The following USH2A variants were observed in gnomAD, a reference collection of about 807,000 sequenced individuals.
USH2A encodes the protein Usher syndrome 2A (autosomal recessive, mild).
USH2A carries 443 observed loss-of-function variants against 538.9 expected under a neutral mutation model. That is an observed-to-expected ratio of 0.82 (90% confidence interval 0.76 to 0.89). The LOEUF is 0.89. Among genes scored for constraint, USH2A ranks in the 40% least tolerant of loss-of-function variants. The pLI is 0.00. For synonymous variants in USH2A, 2,413 were observed against 2,273.5 expected, an observed-to-expected ratio of 1.06 and a Z score of -1.75; for missense variants, 6,633 against 6,324.8, an observed-to-expected ratio of 1.05 and a Z score of -1.65.
intron 61 of USH2A, among the ~76,000 whole-genome samples, chr1:215,718,718 A>G (rs1199709702): frequency 1.6e-5 from 2 of 126,570 alleles, no homozygotes; most frequent in African/African-American, 5.8e-5. Flanking sequence ...TAAGGATATG[A>G]TCTCTTGGCT....
At chr1:216,163,251 T>A (rs1158726751) in intron 21 of USH2A, among the ~76,000 whole-genome samples, 1 of 152,042 alleles carries the variant, frequency 6.6e-6, no homozygotes, top group Non-Finnish European at 1.5e-5. Context: ...TAACTTCAGC[T>A]GTTACTCCGC....
intron 14 of USH2A, among the ~76,000 whole-genome samples, chr1:216,227,501 TA>T (rs2035585331): frequency 6.6e-6 from 1 of 152,166 alleles, no homozygotes; most frequent in East Asian, 1.9e-4. Flanking sequence ...ATGTTTGAGT[TA>T]AAATAAAGGG....
At chr1:215,947,042 CTTTT>C (rs34295902) in intron 37 of USH2A, among the ~76,000 whole-genome samples, 3 of 146,318 alleles carry the variant, frequency 2.1e-5, no homozygotes, top group Admixed American at 6.8e-5. Flanking sequence ...AGGTATATTA[CTTTT>C]TTTTTTTTTT....
intron 4 of USH2A, among the ~76,000 whole-genome samples, chr1:216,328,377 T>G (rs1242790511): frequency 6.6e-6 from 1 of 152,142 alleles, no homozygotes; most frequent in African/African-American, 2.4e-5. Flanking sequence ...CAAATATTTT[T>G]TCAGAACTTA....
At chr1:216,047,117 G>T (rs2030553149) in intron 31 of USH2A, among the ~76,000 whole-genome samples, 2 of 152,032 alleles carry the variant, frequency 1.3e-5, no homozygotes, top group African/African-American at 2.4e-5. Context: ...GAATTGGGGG[G>T]TCCTAAGAAC....
At chr1:216,070,760 C>T (rs1253126748) in intron 29 of USH2A, among the ~76,000 whole-genome samples, 2 of 147,938 alleles carry the variant, frequency 1.4e-5, no homozygotes, top group African/African-American at 5.0e-5. Flanking sequence ...ATGCCTAGAC[C>T]CATTTTCCAA....
At chr1:215,735,172 C>A (rs191634694) in intron 60 of USH2A, among the ~76,000 whole-genome samples, 4 of 152,280 alleles carry the variant, frequency 2.6e-5, no homozygotes, top group African/African-American at 9.6e-5. Flanking sequence ...GTGGCAGGTA[C>A]CCCTCTTCAA....
intron 56 of USH2A, among the ~76,000 whole-genome samples, chr1:215,766,189 CT>C (rs933710995): frequency 3.3e-5 from 5 of 152,086 alleles, no homozygotes; most frequent in Admixed American, 1.3e-4. Flanking sequence ...TCCATAAAGC[CT>C]TTTTTGATGT....
At chr1:215,964,091 A>G (rs545392897) in intron 37 of USH2A, among the ~76,000 whole-genome samples, 1 of 152,314 alleles carries the variant, frequency 6.6e-6, no homozygotes, top group South Asian at 2.1e-4. Flanking sequence ...GACATGACTT[A>G]GAAGGCAAGC....
intron 22 of USH2A, among the ~76,000 whole-genome samples, chr1:216,094,948 G>A (rs139641420): frequency 0.01 from 1,424 of 137,740 alleles, 9 homozygotes; most frequent in Non-Finnish European, 0.016. Context: ...GTTTATGTGC[G>A]TGTGTAGGTG....
intron 64 of USH2A, among the ~76,000 whole-genome samples, chr1:215,668,147 A>T (rs1204772035): frequency 6.6e-6 from 1 of 152,260 alleles, no homozygotes; most frequent in Non-Finnish European, 1.5e-5. Flanking sequence ...GAGCAGATTT[A>T]TATAGGACAA....
intron 5 of USH2A, 50 bp from the exon 6 acceptor site, chr1:216,325,649 A>C (rs747593541): frequency 6.4e-7 from 1 of 1,568,112 alleles, no homozygotes; most frequent in Non-Finnish European, 8.7e-7. Context: ...TAACAGTAAT[A>C]GAACTTCTAG....
chr1:216,237,494 T>TAAAAAAAAAAA (rs59074625), intron 13 of USH2A, among the ~76,000 whole-genome samples: 1 of 114,276 alleles, frequency 8.8e-6, no homozygotes, highest in African/African-American at 3.3e-5. Context: ...GACTCCGTCT[T>TAAAAAAAAAAA]AAAAAAAAAA....
intron 30 of USH2A, among the ~76,000 whole-genome samples, chr1:216,066,043 T>C (rs78741554): frequency 0.017 from 2,663 of 152,282 alleles, 96 homozygotes; most frequent in African/African-American, 0.061. Context: ...AATATTCTGA[T>C]ATATTTTGCC....
At chr1:216,146,526 C>T (rs1190521482) in intron 21 of USH2A, among the ~76,000 whole-genome samples, 1 of 152,096 alleles carries the variant, frequency 6.6e-6, no homozygotes, top group Admixed American at 6.6e-5. Flanking sequence ...TTTCCTGGGG[C>T]AGGGGCAAGT....
At chr1:216,055,657 T>C (rs1425892530) in intron 30 of USH2A, among the ~76,000 whole-genome samples, 1 of 152,222 alleles carries the variant, frequency 6.6e-6, no homozygotes, top group Non-Finnish European at 1.5e-5. Flanking sequence ...CTAATAGAGA[T>C]CTGGAAACAT....
intron 47 of USH2A, among the ~76,000 whole-genome samples, chr1:215,833,774 GA>G (rs531003959): frequency 1.9e-4 from 29 of 151,840 alleles, no homozygotes; most frequent in Non-Finnish European, 3.5e-4. Context: ...AGGTAGAGAA[GA>G]AATATCTGTA....
At chr1:216,081,327 A>T (rs536626176) in intron 26 of USH2A, among the ~76,000 whole-genome samples, 149 of 152,260 alleles carry the variant, frequency 9.8e-4, no homozygotes, top group African/African-American at 3.4e-3. Context: ...GAGGGATATG[A>T]GGTTATATTT....
chr1:215,861,316 A>G (rs1664305733), intron 44 of USH2A, among the ~76,000 whole-genome samples: 1 of 152,248 alleles, frequency 6.6e-6, no homozygotes, highest in African/African-American at 2.4e-5. Context: ...GTTAAAAAAC[A>G]GGATAGCTAA....
Sources: allele counts gnomAD v4.1 joint callset (sites outside exome capture counted in the v4.1 genomes callset), GRCh38; gene constraint gnomAD v4.1.1; transcripts MANE v1.5; gene names NCBI Gene and HGNC (gene_info 2026-07-23, HGNC 2026-07-21).